Variants in AGRN observed in about 807,000 individuals in gnomAD.
AGRN encodes the protein agrin.
A neutral mutation model predicts 211.0 loss-of-function variants in AGRN; 106 were observed. The observed-to-expected ratio is 0.50, with a 90% CI of 0.43 to 0.59. AGRN has a LOEUF of 0.59. Ranked by LOEUF, AGRN falls within the 20% of genes least tolerant of loss-of-function variation. The probability of loss-of-function intolerance (pLI) is 0.00; values close to 1 mark genes in which losing one functional copy is unlikely to be tolerated. For synonymous variants in AGRN, 1,525 were observed against 1,332.5 expected (o/e 1.14, Z -3.15); for missense variants, 3,040 against 2,982.6 (o/e 1.02, Z -0.45).
Position 1,051,484 on chromosome 1 carries a change from CG to C in AGRN, c.5404del (p.Glu1802SerfsTer80). On this transcript the variant is annotated frameshift_variant, in exon 32 of 36. Transcript: ENST00000379370. LOFTEE classifies it high-confidence loss of function. ...CTCGGAGGCCGCCAGCTGCTGACCC[CG>C]GAGCACGTGCTGCGGCAGGTGGACG... is the stretch of plus-strand genomic sequence containing the variant. ...VSLGGRQLLT[P>X]EHVLRQVDVT... The C allele has an allele frequency of 6.4e-7, 1 of 1,569,984 alleles. No individual in the cohort carries two copies. The highest frequency in any genetic ancestry group is 2.3e-5 in the East Asian group (1 of 43,564).
At chr1:1,052,853 A>C (rs1017902313) in intron 33 of AGRN, 1 of 157,554 alleles carries the variant, frequency 6.3e-6, no homozygotes, top group African/African-American at 2.4e-5. Flanking sequence ...CCATGGGTCC[A>C]TGTATGTGTG....
chr1:1,040,856 C>T lies in AGRN; in HGVS notation c.703C>T (p.Arg235Cys). 1.3e-6 allele frequency: 2 copies of T among 1,528,872 alleles called. No homozygotes were observed. The highest frequency in any genetic ancestry group is 1.2e-5 in the South Asian group (1 of 83,486). The allele number at this position is 1,528,872 out of a possible 1,614,324, so 94.7% of individuals were successfully genotyped here. ...RAQCSQQRRI[R>C]LLSRGPCGSR... ...GCAGTGCAGCCAGCAGCGCCGCATC[C>T]GCCTGCTCAGCCGCGGGCCGTGCGG... The change falls in exon 4 of 36, where the codon CGC (arginine) becomes TGC (cysteine). Residue 235 changes from arginine to cysteine, a missense_variant. Transcript: ENST00000379370.
In AGRN at chr1:1,042,059, C is replaced by T. The variant is rs767153644; in HGVS notation, c.1281C>T (p.Pro427=). The T allele has an allele frequency of 1.8e-5, 29 of 1,607,864 alleles. No homozygotes were observed. The highest frequency in any genetic ancestry group is 1.7e-4 in the African/African-American group (13 of 74,906). Residue 427 remains proline (P), a synonymous_variant, in exon 7 of 36, where the codon CCC becomes CCT. Transcript: ENST00000379370. ...TCACCTGTGACGGGGCCTACAGGCC[C>T]GTGTGTGCCCAGGACGGGCGCACGT... ...DRVTCDGAYR[P]VCAQDGRTYD...
In AGRN at chr1:1,049,054, G is replaced by C. The variant is rs1645188748; in HGVS notation, c.4293G>C (p.Gln1431His). Residue 1431 changes from glutamine to histidine, a missense_variant, in exon 24 of 36, where the codon CAG becomes CAC. This residue lies in a region of AGRN where 1,537 missense variants were observed against 1,505.0 expected (regional missense o/e 1.02). Coordinates refer to ENST00000379370, the MANE Select transcript of AGRN (RefSeq NM_198576.4). The stretch of plus-strand genomic sequence containing the variant: ...TGGCGCTGCTAGATGGCCGCGTGCA[G>C]CTCAGGTGGGCGGGGAGGGGACGGG... The part of the protein sequence containing the change: ...LALALLDGRV[Q>H]LRFDTGSGPA... The C allele has an allele frequency of 6.5e-7, 1 of 1,545,050 alleles. No individual in the cohort carries two copies. The highest frequency in any genetic ancestry group is 1.5e-5 in the African/African-American group (1 of 68,416).
chr1:1,028,761 G>A (rs1243173127), intron 2 of AGRN, among the ~76,000 whole-genome samples: 2 of 36,556 alleles, frequency 5.5e-5, no homozygotes, highest in African/African-American at 1.4e-4. Context: ...CGAAGGAACC[G>A]AGCCCCAGCC....
chr1:1,033,405 G>GC (rs1355647898), intron 2 of AGRN, among the ~76,000 whole-genome samples: 2 of 151,482 alleles, frequency 1.3e-5, no homozygotes, highest in Non-Finnish European at 3.0e-5. Context: ...GGCCCCCCGA[G>GC]CCCCCTGCGG....
At chr1:1,021,218 C>T (rs909263080) in intron 1 of AGRN, among the ~76,000 whole-genome samples, 2 of 152,238 alleles carry the variant, frequency 1.3e-5, no homozygotes, top group Non-Finnish European at 2.9e-5. Context: ...GTCTCCTCCA[C>T]AGCGGCCAGG....
chr1:1,027,897 G>A (rs936858460), intron 2 of AGRN, among the ~76,000 whole-genome samples: 15 of 152,212 alleles, frequency 9.9e-5, no homozygotes, highest in East Asian at 9.6e-4. Flanking sequence ...CTGCGTGTCC[G>A]CAGGTGGGAG....
Position 1,048,523 on chromosome 1 carries a change from C to T in AGRN, c.4105+158C>T. On this transcript the variant is annotated intron_variant, in intron 23 of 35. Transcript: ENST00000379370. This position sits in a 1 kb window ranked among gnomAD's most constrained non-coding sequence, Gnocchi z 5.9. Reference sequence around the variant, plus strand: ...CGGTGGCTCACGCCTGTAATCCCAGCACTTTGGGAGGCCGAGGCAGGCGGA... The same window carrying T: ...CGGTGGCTCACGCCTGTAATCCCAGTACTTTGGGAGGCCGAGGCAGGCGGA... The T allele has an allele frequency of 1.4e-6, 1 of 690,422 alleles. No homozygotes were observed. The allele number at this position is 690,422 out of a possible 1,614,324, so 42.8% of individuals were successfully genotyped here. A position where few individuals can be genotyped will look rare whatever the true frequency, so the allele number is the denominator to read the frequency against.
chr1:1,053,657 T>C, intron 33 of AGRN, 96 bp from the exon 34 acceptor site: 1 of 1,496,322 alleles, frequency 6.7e-7, no homozygotes, highest in African/African-American at 1.4e-5. Context: ...TCACAGCCCT[T>C]GTGGCCTCCG....
intron 3 of AGRN, among the ~76,000 whole-genome samples, chr1:1,039,978 G>A (rs1368211342): frequency 6.6e-6 from 1 of 152,230 alleles, no homozygotes; most frequent in Non-Finnish European, 1.5e-5. Context: ...CTGGGGAAGA[G>A]TTGGGGAGAG....
At chr1:1,026,084 G>T (rs3128125) in intron 2 of AGRN, among the ~76,000 whole-genome samples, 45,343 of 151,756 alleles carry the variant, frequency 0.3, 7,271 homozygotes, top group Non-Finnish European at 0.35. Context: ...CTTTGAGAGG[G>T]CCGGGCTGAG....
intron 2 of AGRN, 110 bp from the exon 3 acceptor site, chr1:1,035,167 G>T (rs547203777): frequency 3.4e-6 from 4 of 1,164,226 alleles, no homozygotes; most frequent in Non-Finnish European, 3.7e-6. Flanking sequence ...TGGGGCTAGC[G>T]GTGGGGGGGG....
Position 1,043,649 on chromosome 1 carries a change from A to G in AGRN, c.1715A>G (p.His572Arg). The G allele has an allele frequency of 1.2e-6, 2 of 1,601,174 alleles. No individual in the cohort carries two copies. Among genetic ancestry groups the G allele is most frequent in the Non-Finnish European group, 1.7e-6 (2 of 1,179,524 alleles). ...CAGCCCGTGTGTGGCTCCGACGGGC[A>G]CACGTACCCCAGCGAGTGCATGCTG... ...LAQPVCGSDG[H>R]TYPSECMLHV... is the part of the protein sequence containing the mutation. The change falls in exon 9 of 36, where the codon CAC (histidine) becomes CGC (arginine). Residue 572 changes from histidine (H) to arginine (R), a missense_variant. Physicochemically the swap from His to Arg is conservative, Grantham distance 29 (BLOSUM62 0). This residue lies in a region of AGRN where 1,498 missense variants were observed against 1,457.8 expected (regional missense o/e 1.03). Transcript: ENST00000379370.
At chr1:1,026,086 C>T (rs561685541) in intron 2 of AGRN, among the ~76,000 whole-genome samples, 4 of 152,024 alleles carry the variant, frequency 2.6e-5, no homozygotes, top group East Asian at 1.9e-4. Flanking sequence ...TTGAGAGGGC[C>T]GGGCTGAGCT....
At chr1:1,052,993 C>T (rs889529370) in intron 33 of AGRN, 2 of 177,986 alleles carry the variant, frequency 1.1e-5, no homozygotes, top group Admixed American at 1.1e-4. Context: ...TCAGGTGTGT[C>T]TGTGTGTGTT....
intron 14 of AGRN, 37 bp downstream of exon 14, chr1:1,045,560 C>T (rs765339177): frequency 9.3e-6 from 15 of 1,608,708 alleles, no homozygotes; most frequent in Non-Finnish European, 1.3e-5. Flanking sequence ...ACCGGCTATG[C>T]CCTCCTACCT....
chr1:1,046,836 G>T lies in AGRN; in HGVS notation c.3267G>T (p.Glu1089Asp). ...GGGSGGLEPL[E>D]GSSVATPGPP... ...TCTCCCCAGGGCTCGAGCCCTTGGA[G>T]GGCAGCAGCGTGGCCACCCCTGGGC... Residue 1089 changes from glutamate (E) to aspartate (D), a missense_variant, in exon 19 of 36, where the codon GAG becomes GAT. Glu to Asp is a conservative substitution (Grantham distance 45). Around this residue, in one of 3 missense-constraint regions of AGRN, gnomAD observed 1,537 missense variants for 1,505.0 expected, o/e 1.02. Transcript: ENST00000379370. 1 of 1,585,758 alleles carries T rather than the reference G, an allele frequency of 6.3e-7. No homozygotes were observed. The highest frequency in any genetic ancestry group is 1.1e-5 in the South Asian group (1 of 87,476).
chr1:1,036,475 G>A (rs1405410947), intron 3 of AGRN, among the ~76,000 whole-genome samples: 2 of 152,158 alleles, frequency 1.3e-5, no homozygotes, highest in Non-Finnish European at 2.9e-5. Context: ...GGGGTGACCT[G>A]TAGTCAGCTG....
Sources: allele counts gnomAD v4.1 joint callset (sites outside exome capture counted in the v4.1 genomes callset), GRCh38; gene constraint gnomAD v4.1.1; regional missense constraint gnomAD v4.1.1; non-coding constraint Gnocchi (gnomAD v3.1); transcripts MANE v1.5; gene names NCBI Gene and HGNC (gene_info 2026-07-23, HGNC 2026-07-21).